Variants in RYR3 observed in about 807,000 individuals in gnomAD.
RYR3 encodes brain ryanodine receptor-calcium release channel.
In RYR3, 207 loss-of-function variants were observed where a neutral mutation model predicts 584.3. The observed-to-expected ratio is 0.35, with a 90% CI of 0.32 to 0.40. The LOEUF is 0.40. RYR3 is among the 10% of genes least tolerant of loss of function. The pLI, the probability that RYR3 is intolerant of heterozygous loss-of-function variation, is 1.00. For missense variants in RYR3, 5,616 were observed against 6,089.2 expected, an observed-to-expected ratio of 0.92 and a Z score of 2.59; for synonymous variants, 2,416 against 2,248.5, an observed-to-expected ratio of 1.07 and a Z score of -2.11.
Position 33,505,561 on chromosome 15 carries a change from T to G in RYR3, c.279+1823T>G, listed in dbSNP as rs367626006. 1.7e-4 allele frequency among the ~76,000 whole-genome samples: 26 copies of G among 151,928 alleles called. No individual in the cohort carries two copies. The South Asian group carries it at 5.2e-3, about 30-fold the overall frequency. ...GGCTGGAGTGCAGTGGTAAGATCTCTGCTCACTGCAAGCTCCGCCTCCCAG... is the reference window on the plus strand; with the variant it reads ...GGCTGGAGTGCAGTGGTAAGATCTCGGCTCACTGCAAGCTCCGCCTCCCAG... On this transcript the variant is annotated intron_variant, in intron 3 of 103. Transcript: ENST00000634891.
chr15:33,641,996 A>G lies in RYR3; in HGVS notation c.3557-2315A>G, dbSNP rs2061853964. Among the ~76,000 whole-genome samples, 3 of 151,964 alleles carry G rather than the reference A, an allele frequency of 2.0e-5. No homozygotes were observed. The South Asian group carries it at 6.2e-4, about 32-fold the overall frequency. On this transcript the variant is annotated intron_variant, in intron 27 of 103. Coordinates refer to ENST00000634891, the MANE Select transcript of RYR3 (RefSeq NM_001036.6). Reference sequence around the variant, plus strand: ...ACTCGAGGATAAAGGATCTCATCCCATTTTTGTCACTTGCCCTTCCCGTGA... The same window carrying G: ...ACTCGAGGATAAAGGATCTCATCCCGTTTTTGTCACTTGCCCTTCCCGTGA...
At chr15:33,510,636 T>C (rs2052898310) in intron 3 of RYR3, among the ~76,000 whole-genome samples, 1 of 151,920 alleles carries the variant, frequency 6.6e-6, no homozygotes, top group African/African-American at 2.4e-5. Context: ...GTGAATTTTC[T>C]CGTGGAATTT....
intron 2 of RYR3, among the ~76,000 whole-genome samples, chr15:33,502,519 G>C (rs1191018564): frequency 2.0e-5 from 3 of 152,180 alleles, no homozygotes; most frequent in Non-Finnish European, 4.4e-5. Flanking sequence ...TTGGTACACA[G>C]GTGATCACAA....
chr15:33,606,283 T>C (rs2059899103), intron 18 of RYR3, among the ~76,000 whole-genome samples: 1 of 152,206 alleles, frequency 6.6e-6, no homozygotes, highest in African/African-American at 2.4e-5. Context: ...ACACATTAGA[T>C]AGACAGTAAA....
In RYR3 at chr15:33,631,164, C is replaced by T. The variant is rs878897966; in HGVS notation, c.2784-46C>T. On this transcript the variant is annotated intron_variant, in intron 22 of 103. Transcript: ENST00000634891. ...ATGTGAATTAGGGTTCCTGCTGTTC[C>T]TAACACTGCAGTTAACCTTAGTCTT... The T allele has an allele frequency of 8.3e-6, 10 of 1,202,368 alleles. 1 individual carries two copies. In the South Asian group the frequency reaches 1.4e-4, roughly 16 times the overall value. 74.5% of individuals were successfully genotyped at this position (1,202,368 alleles called of 1,614,324 possible).
intron 2 of RYR3, 122 bp from the exon 3 acceptor site, chr15:33,503,509 A>G (rs2572204): frequency 0.99 from 613,462 of 622,018 alleles, 302,715 homozygotes; most frequent in East Asian, 1. Context: ...ACCTTTTTGC[A>G]TTCCTATTCA....
At chr15:33,362,124 C>T (rs1974853443) in intron 1 of RYR3, among the ~76,000 whole-genome samples, 1 of 152,184 alleles carries the variant, frequency 6.6e-6, no homozygotes. Context: ...ACACAGCACC[C>T]TTGCCCCCTG....
At chr15:33,531,757 A>G (rs953935337) in intron 4 of RYR3, among the ~76,000 whole-genome samples, 5 of 152,054 alleles carry the variant, frequency 3.3e-5, no homozygotes, top group African/African-American at 9.7e-5. Context: ...ACGGAAGTGT[A>G]TCCAAGTAGG....
intron 14 of RYR3, among the ~76,000 whole-genome samples, chr15:33,583,919 G>A (rs1331927505): frequency 6.6e-6 from 1 of 152,162 alleles, no homozygotes; most frequent in Non-Finnish European, 1.5e-5. Flanking sequence ...GGGTGTGGTG[G>A]TGCATGCCTG....
Position 33,748,257 on chromosome 15 carries a change from C to G in RYR3, c.8133C>G (p.Asn2711Lys). ...NEKLRSVSQANQGNSYSPAPL... is the reference protein window; with the variant it reads ...NEKLRSVSQAKQGNSYSPAPL... ...AGCTTCGAAGTGTGTCCCAGGCCAA[C>G]CAGGTATGACACCACACCCAGAGGC... is the stretch of plus-strand genomic sequence containing the variant. The change falls in exon 54 of 104, where the codon AAC (asparagine) becomes AAG (lysine). Residue 2711 changes from asparagine (N) to lysine (K), a missense_variant. Asn to Lys is a moderately conservative substitution (Grantham distance 94). Transcript: ENST00000634891. 6.2e-7 allele frequency: 1 copy of G among 1,613,656 alleles called. No individual in the cohort carries two copies. The highest frequency in any genetic ancestry group is 8.5e-7 in the Non-Finnish European group (1 of 1,179,788).
Position 33,628,568 on chromosome 15 carries a change from T to C in RYR3, c.2672T>C (p.Phe891Ser), listed in dbSNP as rs763417328. 2.5e-6 allele frequency: 4 copies of C among 1,609,302 alleles called. No individual in the cohort carries two copies. The highest frequency in any genetic ancestry group is 3.4e-6 in the Non-Finnish European group (4 of 1,175,690). ...AATAAAATAGAACTTGGCTGGACTTTCGGCAAGGTATGTGTCTCAGGGCCA... is the reference window on the plus strand; with the variant it reads ...AATAAAATAGAACTTGGCTGGACTTCCGGCAAGGTATGTGTCTCAGGGCCA... ...GMNKIELGWT[F>S]GKIRDDNKRQ... The change falls in exon 21 of 104, where the codon TTC (phenylalanine) becomes TCC (serine). Residue 891 changes from phenylalanine (F) to serine (S), a missense_variant. Phe to Ser is a radical substitution (Grantham distance 155, BLOSUM62 -2). Around this residue, in one of 9 missense-constraint regions of RYR3, gnomAD observed 1,284 missense variants for 1,344.6 expected, o/e 0.95. Transcript: ENST00000634891.
intron 1 of RYR3, among the ~76,000 whole-genome samples, chr15:33,441,560 A>C (rs2046233788): frequency 6.6e-6 from 1 of 152,156 alleles, no homozygotes; most frequent in South Asian, 2.1e-4. Context: ...GTGGGGACTT[A>C]AACCCATTTA....
At chr15:33,735,380 C>T (rs1256404206) in intron 48 of RYR3, among the ~76,000 whole-genome samples, 1 of 152,188 alleles carries the variant, frequency 6.6e-6, no homozygotes, top group Non-Finnish European at 1.5e-5. Flanking sequence ...CTGCATACAT[C>T]CTTCTTATTG....
At chr15:33,495,729 G>T (rs190709157) in intron 2 of RYR3, among the ~76,000 whole-genome samples, 7 of 152,098 alleles carry the variant, frequency 4.6e-5, no homozygotes, top group African/African-American at 1.7e-4. Flanking sequence ...AACATTCACC[G>T]TGTAACTTTC....
intron 19 of RYR3, among the ~76,000 whole-genome samples, chr15:33,623,530 C>T (rs1179166324): frequency 2.6e-5 from 4 of 152,222 alleles, no homozygotes; most frequent in East Asian, 1.9e-4. Context: ...TATTAGAGTA[C>T]AGATAAACTT....
At chr15:33,780,526 T>C (rs1378515237) in intron 65 of RYR3, among the ~76,000 whole-genome samples, 185 bp downstream of exon 65, 1 of 152,178 alleles carries the variant, frequency 6.6e-6, no homozygotes, top group Non-Finnish European at 1.5e-5. Context: ...GGCAAGGCTT[T>C]GTTATAATTA....
At chr15:33,702,435 T>G (rs931681143) in intron 42 of RYR3, among the ~76,000 whole-genome samples, 25 of 152,206 alleles carry the variant, frequency 1.6e-4, no homozygotes, top group African/African-American at 6.0e-4. Context: ...GAGAAGCGTT[T>G]GAAGCCAGGG....
rs2076655857 is a variant in RYR3, at chr15:33,813,520, G to C, written c.10443G>C (p.Lys3481Asn). Reference sequence around the variant, plus strand: ...CCGTCTGGCACAAACTGTTATCAAAGCAACGGAAACGGGCAGTGGTGGCCT... The same window carrying C: ...CCGTCTGGCACAAACTGTTATCAAACCAACGGAAACGGGCAGTGGTGGCCT... ...KKAVWHKLLS[K>N]QRKRAVVACF... Residue 3481 changes from lysine to asparagine, a missense_variant, in exon 74 of 104, where the codon AAG becomes AAC. This residue lies in a region of RYR3 where 954 missense variants were observed against 1,132.2 expected (regional missense o/e 0.84). Transcript: ENST00000634891. The C allele has an allele frequency of 1.2e-6, 2 of 1,613,852 alleles. No homozygotes were observed. Among genetic ancestry groups the C allele is most frequent in the African/African-American group, 2.7e-5 (2 of 74,922 alleles).
intron 38 of RYR3, among the ~76,000 whole-genome samples, chr15:33,672,206 A>T (rs1201743314): frequency 8.2e-6 from 1 of 122,276 alleles, no homozygotes; most frequent in Non-Finnish European, 1.8e-5. Context: ...AAATGGAGTC[A>T]GTCAGATGAA....
Sources: gnomAD v4.1 joint callset for allele counts (sites outside exome capture counted in the v4.1 genomes callset) on GRCh38, gnomAD v4.1.1 for gene constraint, gnomAD v4.1.1 regional missense constraint, MANE v1.5 for transcripts, NCBI Gene and HGNC (gene_info 2026-07-23, HGNC 2026-07-21) for gene names.